PCDHA5: variants seen among roughly 807,000 people sequenced by gnomAD.
PCDHA5 encodes the protein protocadherin alpha 5.
In PCDHA5, 43 loss-of-function variants were observed where a neutral mutation model predicts 61.6. That is an observed-to-expected ratio of 0.70 (90% CI 0.55 to 0.90). The LOEUF (loss-of-function observed/expected upper bound fraction) is 0.90, where lower values mean the gene tolerates loss of function less well. Ranked by LOEUF, PCDHA5 falls within the 40% of genes least tolerant of loss-of-function variation. The pLI, the probability that PCDHA5 is intolerant of heterozygous loss-of-function variation, is 0.00. For missense variants in PCDHA5, 1,298 were observed against 1,222.7 expected, an observed-to-expected ratio of 1.06 and a Z score of -0.92; for synonymous variants, 627 against 543.9, an observed-to-expected ratio of 1.15 and a Z score of -2.13.
At chr5:140,992,416 C>T (rs3776107) in intron 3 of PCDHA5, among the ~76,000 whole-genome samples, 9,821 of 152,168 alleles carry the variant, frequency 0.065, 355 homozygotes, top group East Asian at 0.12. Context: ...TGCCCCAGGT[C>T]TAAGAATATT....
At chr5:140,886,515 G>C (rs1554182564) in intron 1 of PCDHA5, among the ~76,000 whole-genome samples, 1 of 151,972 alleles carries the variant, frequency 6.6e-6, no homozygotes, top group East Asian at 1.9e-4. Context: ...TGGATTTTAA[G>C]GTCTGCATAT....
At chr5:140,967,346 G>A (rs1332345482) in intron 1 of PCDHA5, 1 of 1,607,970 alleles carries the variant, frequency 6.2e-7, no homozygotes, top group Non-Finnish European at 8.5e-7. Flanking sequence ...CGAGCACTTC[G>A]AGCTGGACCT....
intron 1 of PCDHA5, chr5:140,875,498 C>A (rs782226561): frequency 1.9e-6 from 3 of 1,613,292 alleles, no homozygotes; most frequent in East Asian, 4.5e-5. Flanking sequence ...CCAAGAGGCC[C>A]GGGATCCCAG....
chr5:140,961,982 C>T (rs1367678374), intron 1 of PCDHA5, among the ~76,000 whole-genome samples: 2 of 151,650 alleles, frequency 1.3e-5, no homozygotes, highest in African/African-American at 4.9e-5. Context: ...CTCCTGGGTT[C>T]ACGCCATTGT....
At position 140,844,592 on chromosome 5, in the gene PCDHA5, A is replaced by G. The variant is rs2150372335; in HGVS notation, c.2352+20465A>G. 4.7e-5 allele frequency among the ~76,000 whole-genome samples: 7 copies of G among 149,514 alleles called. 1 individual carries two copies. Among genetic ancestry groups the G allele is most frequent in the Admixed American group, 6.7e-5 (1 of 14,904 alleles). On this transcript the variant is annotated intron_variant, in intron 1 of 3. Coordinates refer to ENST00000529859, the MANE Select transcript of PCDHA5 (RefSeq NM_018908.3). ...AATATTCCACATTAAAGTGATATTTAATATATGACTTAGAAAAATGTTTTC... is the reference window on the plus strand; with the variant it reads ...AATATTCCACATTAAAGTGATATTTGATATATGACTTAGAAAAATGTTTTC...
At chr5:140,941,095 A>C (rs2092727620) in intron 1 of PCDHA5, among the ~76,000 whole-genome samples, 1 of 152,062 alleles carries the variant, frequency 6.6e-6, no homozygotes, top group South Asian at 2.1e-4. Flanking sequence ...TAGTTTTCAC[A>C]TACTATTACT....
At chr5:140,964,634 T>C (rs2095845045) in intron 1 of PCDHA5, among the ~76,000 whole-genome samples, 1 of 151,918 alleles carries the variant, frequency 6.6e-6, no homozygotes, top group Non-Finnish European at 1.5e-5. Flanking sequence ...AGCCATTTAT[T>C]TTCAGAAACA....
chr5:140,911,693 CAAAT>C, intron 1 of PCDHA5, among the ~76,000 whole-genome samples: 1 of 152,156 alleles, frequency 6.6e-6, no homozygotes, highest in East Asian at 1.9e-4. Flanking sequence ...TCAGGAGTGT[CAAAT>C]GAATTTATTT....
chr5:140,968,492 G>A (rs2096250539), intron 1 of PCDHA5: 2 of 1,614,074 alleles, frequency 1.2e-6, no homozygotes, highest in African/African-American at 1.3e-5. Flanking sequence ...GAATGACCAT[G>A]CCCCTCACAT....
At chr5:140,824,610 G>GTTGTTTTTTTTT (rs1768193318) in intron 1 of PCDHA5, 1 of 95,104 alleles carries the variant, frequency 1.1e-5, no homozygotes, top group African/African-American at 4.9e-5. Flanking sequence ...GCTAATTAAA[G>GTTGTTTTTTTTT]TTTTTTTTTT....
intron 1 of PCDHA5, chr5:140,824,610 G>GTTTTTTTGTTTTTTTTTT (rs1768198907): frequency 1.1e-5 from 1 of 95,104 alleles, no homozygotes; most frequent in African/African-American, 4.9e-5. Context: ...GCTAATTAAA[G>GTTTTTTTGTTTTTTTTTT]TTTTTTTTTT....
intron 1 of PCDHA5, among the ~76,000 whole-genome samples, chr5:140,961,052 G>A (rs942442138): frequency 7.9e-5 from 12 of 152,272 alleles, no homozygotes; most frequent in African/African-American, 2.9e-4. Flanking sequence ...TTAACAAAAT[G>A]TTGAATGGGA....
intron 1 of PCDHA5, chr5:140,882,140 T>C (rs1010543120): frequency 7.4e-6 from 11 of 1,490,760 alleles, no homozygotes; most frequent in Admixed American, 4.6e-5. Flanking sequence ...GCAGAAAATA[T>C]AGCAGAAAGC....
intron 1 of PCDHA5, chr5:140,858,585 T>G: frequency 7.4e-7 from 1 of 1,345,266 alleles, no homozygotes. Flanking sequence ...GTAATATAAT[T>G]TATTCCAGGA....
chr5:140,927,037 G>T lies in PCDHA5; in HGVS notation c.2353-51912G>T, dbSNP rs782765718. On this transcript the variant is annotated intron_variant, in intron 1 of 3. Coordinates refer to ENST00000529859, the MANE Select transcript of PCDHA5 (RefSeq NM_018908.3). ...CGCGGACTTGAGGCTGCCAGCGGCC[G>T]CTATGTCCTCGCGGAACTTTCGCTT... The T allele has an allele frequency of 3.7e-6, 6 of 1,612,000 alleles. No homozygotes were observed. The Admixed American group carries it at 6.7e-5, about 18-fold the overall frequency.
intron 1 of PCDHA5, among the ~76,000 whole-genome samples, chr5:140,924,926 TAAAATAAAATAAAAA>T (rs1425116753): frequency 8.4e-6 from 1 of 119,430 alleles, no homozygotes; most frequent in Non-Finnish European, 1.8e-5. Flanking sequence ...TAAAATAAAA[TAAAATAAAATAAAAA>T]GTTAAAAAAA....
chr5:140,929,170 C>T, intron 1 of PCDHA5: 4 of 1,614,134 alleles, frequency 2.5e-6, no homozygotes, highest in Non-Finnish European at 3.4e-6. Flanking sequence ...TCGGGCCTCT[C>T]TGGGACTTGG....
intron 1 of PCDHA5, among the ~76,000 whole-genome samples, chr5:140,872,108 A>G (rs980071264): frequency 1.3e-5 from 2 of 152,072 alleles, no homozygotes; most frequent in African/African-American, 4.8e-5. Context: ...TGGCTTTCCT[A>G]ACTTCAGGCT....
intron 1 of PCDHA5, among the ~76,000 whole-genome samples, chr5:140,934,564 A>T (rs2089922231): frequency 6.6e-6 from 1 of 152,076 alleles, no homozygotes; most frequent in African/African-American, 2.4e-5. Flanking sequence ...TCTTTTTTTT[A>T]ATTAATTGTA....
Sources: gnomAD v4.1 joint callset for allele counts (sites outside exome capture counted in the v4.1 genomes callset) on GRCh38, gnomAD v4.1.1 for gene constraint, MANE v1.5 for transcripts, NCBI Gene and HGNC (gene_info 2026-07-23, HGNC 2026-07-21) for gene names.